TOP3A: variants seen among roughly 807,000 people sequenced by gnomAD.
The protein encoded by TOP3A is DNA topoisomerase III alpha.
Under a neutral mutation model 111.3 loss-of-function variants are expected in TOP3A, and 64 were observed. The ratio of observed to expected loss-of-function variants is 0.57; its 90% CI spans 0.47 to 0.71. The LOEUF (loss-of-function observed/expected upper bound fraction) is 0.71, where lower values mean the gene tolerates loss of function less well. TOP3A is among the 30% of genes least tolerant of loss of function. The probability of loss-of-function intolerance (pLI) is 0.00; values close to 1 mark genes in which losing one functional copy is unlikely to be tolerated. For synonymous variants in TOP3A, 484 were observed against 485.1 expected (o/e 1.00, Z 0.03); for missense variants, 1,104 against 1,285.0 (o/e 0.86, Z 2.15).
chr17:18,310,738 T>C (rs1981860050), intron 1 of TOP3A, among the ~76,000 whole-genome samples: 1 of 152,186 alleles, frequency 6.6e-6, no homozygotes, highest in Non-Finnish European at 1.5e-5. Context: ...TCCACTGAAC[T>C]ATATACTTCA....
intron 16 of TOP3A, among the ~76,000 whole-genome samples, chr17:18,281,230 C>A (rs2142940975): frequency 6.6e-6 from 1 of 152,210 alleles, no homozygotes; most frequent in South Asian, 2.1e-4. Flanking sequence ...ATGTGATTTA[C>A]AAATTCCTCA....
At chr17:18,284,579 A>AAT (rs1219073994) in intron 15 of TOP3A, among the ~76,000 whole-genome samples, 5 of 152,096 alleles carry the variant, frequency 3.3e-5, no homozygotes. Context: ...ATGAAGTCCA[A>AAT]ATATATATAT....
chr17:18,298,172 A>G (rs893086683), intron 9 of TOP3A, among the ~76,000 whole-genome samples: 6 of 149,702 alleles, frequency 4.0e-5, no homozygotes, highest in African/African-American at 1.5e-4. Context: ...AGAAGTGAGG[A>G]GCCCCTCCGC....
At chr17:18,294,088 C>T (rs945451849) in intron 10 of TOP3A, among the ~76,000 whole-genome samples, 3 of 152,094 alleles carry the variant, frequency 2.0e-5, no homozygotes, top group Non-Finnish European at 4.4e-5. Context: ...ATGACTGGGG[C>T]GGGGAGGAGT....
At chr17:18,311,442 C>T (rs1352518876) in intron 1 of TOP3A, among the ~76,000 whole-genome samples, 6 of 152,078 alleles carry the variant, frequency 3.9e-5, no homozygotes, top group Admixed American at 1.3e-4. Context: ...TACAGGACCC[C>T]GCCACCACAC....
intron 1 of TOP3A, among the ~76,000 whole-genome samples, chr17:18,313,957 CT>C (rs1982080899): frequency 6.6e-6 from 1 of 152,200 alleles, no homozygotes; most frequent in Admixed American, 6.5e-5. Flanking sequence ...CTTTATGAAA[CT>C]TTTTCTTATC....
intron 9 of TOP3A, among the ~76,000 whole-genome samples, chr17:18,297,572 G>A (rs540414676): frequency 3.9e-5 from 6 of 152,338 alleles, no homozygotes; most frequent in African/African-American, 7.2e-5. Flanking sequence ...GCAGGCGCGC[G>A]CCGCCACACC....
chr17:18,278,231 G>T lies in TOP3A; in HGVS notation c.2271C>A (p.Pro757=), dbSNP rs770475539. 1.3e-6 allele frequency: 2 copies of T among 1,578,456 alleles called. No homozygotes were observed. The highest frequency in any genetic ancestry group is 4.5e-5 in the East Asian group (2 of 44,410). The change falls in exon 18 of 19, where the codon CCC becomes CCA. Residue 757 remains proline (P), a synonymous_variant. Coordinates refer to ENST00000321105, the MANE Select transcript of TOP3A (RefSeq NM_004618.5). ...GGCGGCCAGAGGGCTGGCTAGCCCT[G>T]GGGGGGCCCCCTGAAAATCTCAGGT... The part of the protein sequence containing the change: ...ILDLRFSGGP[P]RASQPSGRLQ...
At chr17:18,276,923 C>T (rs367625194) in intron 18 of TOP3A, among the ~76,000 whole-genome samples, 9 of 152,244 alleles carry the variant, frequency 5.9e-5, no homozygotes, top group African/African-American at 9.6e-5. Flanking sequence ...CGGTGGCTCA[C>T]GCCTGTAATC....
intron 9 of TOP3A, among the ~76,000 whole-genome samples, chr17:18,295,902 G>A (rs1466667333): frequency 6.6e-6 from 1 of 151,778 alleles, no homozygotes; most frequent in East Asian, 1.9e-4. Flanking sequence ...CGAGTAGCTG[G>A]GACTACAGGC....
chr17:18,280,824 T>C (rs1247373075), intron 16 of TOP3A, among the ~76,000 whole-genome samples, 166 bp from the exon 17 acceptor site: 4 of 152,180 alleles, frequency 2.6e-5, no homozygotes, highest in African/African-American at 4.8e-5. Flanking sequence ...TTGGGAAAAA[T>C]GAGCCTTCTC....
intron 10 of TOP3A, among the ~76,000 whole-genome samples, chr17:18,294,329 TTC>T (rs1002866661): frequency 6.6e-6 from 1 of 152,068 alleles, no homozygotes; most frequent in African/African-American, 2.4e-5. Context: ...CTTTATTTCT[TTC>T]TTTTTCCTTT....
At chr17:18,299,398 C>CA (rs1981077688) in intron 9 of TOP3A, among the ~76,000 whole-genome samples, 161 bp downstream of exon 9, 1 of 152,148 alleles carries the variant, frequency 6.6e-6, no homozygotes, top group Non-Finnish European at 1.5e-5. Flanking sequence ...AAAAAACAAA[C>CA]AGTGAGGCTA....
Position 18,299,586 on chromosome 17 carries a change from C to T in TOP3A, c.963G>A (p.Lys321=). The T allele has an allele frequency of 6.2e-7, 1 of 1,614,146 alleles. No individual in the cohort carries two copies. Among genetic ancestry groups the T allele is most frequent in the Non-Finnish European group, 8.5e-7 (1 of 1,179,980 alleles). ...VVEVRSKPKS[K]WRPQALDTVE... is the part of the protein sequence containing the mutation. ...CAGTGTCCAAGGCTTGAGGCCGCCA[C>T]TTGCTCTTGGGCTTAGATCTGACCT... Residue 321 remains lysine, a synonymous_variant, in exon 9 of 19, where the codon AAG becomes AAA. Transcript: ENST00000321105.
intron 13 of TOP3A, among the ~76,000 whole-genome samples, chr17:18,287,525 CAAACA>C (rs370544879): frequency 6.6e-6 from 1 of 151,548 alleles, no homozygotes; most frequent in African/African-American, 2.4e-5. Flanking sequence ...GACTCTGTCT[CAAACA>C]AAACAAAACA....
chr17:18,289,668 C>A (rs1415412063), intron 13 of TOP3A, among the ~76,000 whole-genome samples: 2 of 152,214 alleles, frequency 1.3e-5, no homozygotes, highest in African/African-American at 2.4e-5. Flanking sequence ...GCTGGGATTA[C>A]AGGTGTGAGC....
rs35705156 is a variant in TOP3A, at chr17:18,278,976, C to CA, written c.2145-620dup. 2.6e-3 allele frequency among the ~76,000 whole-genome samples: 399 copies of CA among 151,806 alleles called. 7 individuals are homozygous for CA. The highest frequency in any genetic ancestry group is 3.5e-3 in the Non-Finnish European group (236 of 67,898). The stretch of plus-strand genomic sequence containing the variant: ...CTGGTGACAGAGCAAGACTCTGTCT[C>CA]AAAAAAAATTCTAAGAGGTTATGTC... On this transcript the variant is annotated intron_variant, in intron 17 of 18. Transcript: ENST00000321105.
intron 11 of TOP3A, among the ~76,000 whole-genome samples, chr17:18,291,318 CG>C (rs1754822056): frequency 6.6e-6 from 1 of 152,198 alleles, no homozygotes; most frequent in South Asian, 2.1e-4. Flanking sequence ...AAGATGAAAG[CG>C]TAAGAAGTTA....
At chr17:18,309,253 G>A (rs1488388200) in intron 1 of TOP3A, among the ~76,000 whole-genome samples, 1 of 152,174 alleles carries the variant, frequency 6.6e-6, no homozygotes, top group African/African-American at 2.4e-5. Flanking sequence ...TGGAGAAATT[G>A]GACATTGTCA....
Sources: allele counts gnomAD v4.1 joint callset (sites outside exome capture counted in the v4.1 genomes callset), GRCh38; gene constraint gnomAD v4.1.1; transcripts MANE v1.5; gene names NCBI Gene and HGNC (gene_info 2026-07-23, HGNC 2026-07-21).